Variants in DEPDC5 observed in about 807,000 individuals in gnomAD.
DEPDC5 encodes the protein GATOR1 complex protein DEPDC5.
DEPDC5 carries 73 observed loss-of-function variants against 217.3 expected under a neutral mutation model. The ratio of observed to expected loss-of-function variants is 0.34; its 90% CI spans 0.28 to 0.41. The LOEUF is 0.41. DEPDC5 is among the 10% of genes least tolerant of loss of function. The pLI is 1.00. For missense variants in DEPDC5, 1,675 were observed against 2,070.1 expected, an observed-to-expected ratio of 0.81 and a Z score of 3.70; for synonymous variants, 733 against 756.7, an observed-to-expected ratio of 0.97 and a Z score of 0.51.
intron 10 of DEPDC5, 74 bp from the exon 11 acceptor site, chr22:31,791,959 A>G (rs1223463599): frequency 9.1e-6 from 5 of 548,724 alleles, no homozygotes; most frequent in African/African-American, 2.0e-5. Flanking sequence ...AAAGAATATT[A>G]TATGCATGCA....
chr22:31,754,713 C>T (rs2075170780), intron 1 of DEPDC5, 149 bp from the exon 2 acceptor site: 3 of 601,808 alleles, frequency 5.0e-6, no homozygotes, highest in East Asian at 5.6e-5. Flanking sequence ...TCCATCGCTC[C>T]TTGTAACTGG....
chr22:31,756,977 G>A (rs2147964854), intron 2 of DEPDC5, among the ~76,000 whole-genome samples: 1 of 151,594 alleles, frequency 6.6e-6, no homozygotes, highest in African/African-American at 2.4e-5. Flanking sequence ...TTTATTAGGT[G>A]TATACCTGTG....
intron 3 of DEPDC5, 159 bp from the exon 4 acceptor site, chr22:31,760,497 C>T (rs968478167): frequency 4.7e-6 from 3 of 636,810 alleles, no homozygotes; most frequent in South Asian, 2.1e-5. Flanking sequence ...AGCCACCGCA[C>T]CTGGCCGAGT....
rs553768324 is a variant in DEPDC5, at chr22:31,767,809, C to T, written c.364-1005C>T. Among the ~76,000 whole-genome samples the T allele has an allele frequency of 4.7e-4, 71 of 151,644 alleles. 2 individuals are homozygous for T. Among genetic ancestry groups the T allele is most frequent in the Admixed American group, 4.5e-3 (68 of 15,182 alleles). ...TCACCCAGGCTGGAGTGCAGTGGTG[C>T]GATTTCTGCTCACTGCAAGCTCTGC... is the stretch of plus-strand genomic sequence containing the variant. On this transcript the variant is annotated intron_variant, in intron 6 of 42. Coordinates refer to ENST00000651528, the MANE Select transcript of DEPDC5 (RefSeq NM_001242896.3).
chr22:31,777,845 T>C (rs1223256864), intron 7 of DEPDC5, among the ~76,000 whole-genome samples: 1 of 152,110 alleles, frequency 6.6e-6, no homozygotes, highest in African/African-American at 2.4e-5. Flanking sequence ...CCTCGTGACT[T>C]CAAGCAGTTC....
intron 31 of DEPDC5, among the ~76,000 whole-genome samples, chr22:31,852,304 A>C (rs1462704387): frequency 6.6e-6 from 1 of 151,704 alleles, no homozygotes; most frequent in Non-Finnish European, 1.5e-5. Context: ...TTTCTATCCA[A>C]CTTATGTTTT....
Position 31,838,829 on chromosome 22 carries a change from C to T in DEPDC5, c.2499C>T (p.Ser833=). Residue 833 remains serine, a synonymous_variant, in exon 27 of 43, where the codon AGC becomes AGT. Transcript: ENST00000651528. ...NPAVPPPLSS[S]PLYSRGLVSR... ...CTGTCCCGCCCCCGCTGAGCAGTAG[C>T]CCACTCTATAGCCGAGGTGAGTTTT... The T allele has an allele frequency of 6.2e-7, 1 of 1,613,864 alleles. No homozygotes were observed. The highest frequency in any genetic ancestry group is 8.5e-7 in the Non-Finnish European group (1 of 1,179,840).
chr22:31,843,213 G>T lies in DEPDC5; in HGVS notation c.2633+1G>T. The T allele has an allele frequency of 6.2e-7, 1 of 1,613,124 alleles. No individual in the cohort carries two copies. The highest frequency in any genetic ancestry group is 8.5e-7 in the Non-Finnish European group (1 of 1,179,500). ...TCACAGTGACGCGATACCTTCCCAAGTGAGTATTTGGATATTTAAAGTCTT... is the reference window on the plus strand; with the variant it reads ...TCACAGTGACGCGATACCTTCCCAATTGAGTATTTGGATATTTAAAGTCTT... On this transcript the variant is annotated splice_donor_variant, in intron 28 of 42. Transcript: ENST00000651528. LOFTEE classifies it high-confidence loss of function.
chr22:31,880,489 T>C (rs1458231770), intron 38 of DEPDC5, among the ~76,000 whole-genome samples: 1 of 152,214 alleles, frequency 6.6e-6, no homozygotes, highest in African/African-American at 2.4e-5. Context: ...AGAAAGCAAA[T>C]AGAACATAAA....
chr22:31,876,117 CCT>C (rs2092984716), intron 36 of DEPDC5, 38 bp from the exon 37 acceptor site: 1 of 1,589,096 alleles, frequency 6.3e-7, no homozygotes, highest in Non-Finnish European at 8.6e-7. Context: ...CTTCAAGATG[CCT>C]CTCTGCAGGA....
At chr22:31,811,368 C>G (rs1049756754) in intron 20 of DEPDC5, among the ~76,000 whole-genome samples, 5 of 152,170 alleles carry the variant, frequency 3.3e-5, no homozygotes, top group African/African-American at 1.2e-4. Flanking sequence ...CCATGCCTGG[C>G]TGGTTCTTAT....
At chr22:31,767,123 C>G (rs1349021384) in intron 6 of DEPDC5, among the ~76,000 whole-genome samples, 1 of 150,892 alleles carries the variant, frequency 6.6e-6, no homozygotes, top group Non-Finnish European at 1.5e-5. Context: ...ACCCTCTTCC[C>G]GTTTTCCACA....
intron 4 of DEPDC5, among the ~76,000 whole-genome samples, chr22:31,762,807 CTCTT>C (rs1474861109): frequency 1.3e-5 from 2 of 151,992 alleles, no homozygotes; most frequent in East Asian, 3.9e-4. Context: ...ATGTCACCCA[CTCTT>C]TCTTTTTTTT....
At position 31,870,651 on chromosome 22, in the gene DEPDC5, G is replaced by C; in HGVS notation, c.3392G>C (p.Gly1131Ala). ...GGCACCAGTTTGGGCATATGCACAG[G>C]CCAATCCATGGACAGAGGCAACAGC... ...LDGTSLGICTGQSMDRGNSQT... is the reference protein window; with the variant it reads ...LDGTSLGICTAQSMDRGNSQT... The change falls in exon 34 of 43, where the codon GGC becomes GCC. Residue 1131 changes from glycine (G) to alanine (A), a missense_variant. This residue lies in a region of DEPDC5 where 126 missense variants were observed against 113.8 expected (regional missense o/e 1.11). Coordinates refer to ENST00000651528, the MANE Select transcript of DEPDC5 (RefSeq NM_001242896.3). 1 of 1,606,284 alleles carries C rather than the reference G, an allele frequency of 6.2e-7. No homozygotes were observed. Among genetic ancestry groups the C allele is most frequent in the Non-Finnish European group, 8.5e-7 (1 of 1,176,778 alleles).
intron 18 of DEPDC5, among the ~76,000 whole-genome samples, chr22:31,808,106 T>A (rs952139446): frequency 3.9e-5 from 6 of 152,082 alleles, no homozygotes; most frequent in African/African-American, 1.4e-4. Flanking sequence ...CATGATTATT[T>A]TATTTTTTTT....
chr22:31,884,630 G>C (rs1341162505), intron 38 of DEPDC5, among the ~76,000 whole-genome samples: 3 of 152,126 alleles, frequency 2.0e-5, no homozygotes, highest in African/African-American at 7.2e-5. Flanking sequence ...GTCTCAGCCT[G>C]CCCTCATCTC....
In DEPDC5 at chr22:31,874,292, T is replaced by C. The variant is rs1430532944; in HGVS notation, c.3583T>C (p.Ser1195Pro). 6.2e-7 allele frequency: 1 copy of C among 1,607,550 alleles called. No homozygotes were observed. Among genetic ancestry groups the C allele is most frequent in the Non-Finnish European group, 8.5e-7 (1 of 1,176,950 alleles). ...KHPSTGVQLL[S>P]EQKGLSPYCF... ...ACCCAGGACAGGAGTCCAGCTGCTC[T>C]CTGAACAGAAGGGCCTCTCACCGTA... Residue 1195 changes from serine (S) to proline (P), a missense_variant, in exon 36 of 43, where the codon TCT becomes CCT. Ser to Pro is a moderately conservative substitution (Grantham distance 74, BLOSUM62 -1). This residue lies in a region of DEPDC5 where 194 missense variants were observed against 199.3 expected (regional missense o/e 0.97). Coordinates refer to ENST00000651528, the MANE Select transcript of DEPDC5 (RefSeq NM_001242896.3).
In DEPDC5 at chr22:31,758,554, C is replaced by G; in HGVS notation, c.67C>G (p.Leu23Val). 16 of 1,614,066 alleles carry G rather than the reference C, an allele frequency of 9.9e-6. No homozygotes were observed. The highest frequency in any genetic ancestry group is 1.3e-5 in the African/African-American group (1 of 75,030). The change falls in exon 3 of 43, where the codon CTA (leucine) becomes GTA (valine). Residue 23 changes from leucine (L) to valine (V), a missense_variant. Physicochemically the swap from Leu to Val is conservative, Grantham distance 32 (BLOSUM62 1). This residue lies in a region of DEPDC5 where 628 missense variants were observed against 762.1 expected (regional missense o/e 0.82). Transcript: ENST00000651528. ...GCTGAATTGTCTTTCAGATGATGAG[C>G]TAGTTGTGAACCCCAAAGTGTTCCC... ...KKGFGGSDDE[L>V]VVNPKVFPHI...
In DEPDC5 at chr22:31,766,730, A is replaced by G. The variant is rs188250050; in HGVS notation, c.363+62A>G. Reference sequence around the variant, plus strand: ...TCCATTATGTGAATAATCCCTGTTTATTATGGGAGAAGAATATAAAATCGT... The same window carrying G: ...TCCATTATGTGAATAATCCCTGTTTGTTATGGGAGAAGAATATAAAATCGT... On this transcript the variant is annotated intron_variant, in intron 6 of 42. Coordinates refer to ENST00000651528, the MANE Select transcript of DEPDC5 (RefSeq NM_001242896.3). 4.1e-5 allele frequency: 58 copies of G among 1,415,616 alleles called. 1 individual carries two copies. The Middle Eastern group carries it at 1.6e-3, about 40-fold the overall frequency. The allele number at this position is 1,415,616 out of a possible 1,614,324, so 87.7% of individuals were successfully genotyped here.
Sources: allele counts gnomAD v4.1 joint callset (sites outside exome capture counted in the v4.1 genomes callset), GRCh38; gene constraint gnomAD v4.1.1; regional missense constraint gnomAD v4.1.1; transcripts MANE v1.5; gene names NCBI Gene and HGNC (gene_info 2026-07-23, HGNC 2026-07-21).